The following PTPRR variants were observed in gnomAD, a reference collection of about 807,000 sequenced individuals.
PTPRR encodes the protein receptor-type tyrosine-protein phosphatase R.
Under a neutral mutation model 77.2 loss-of-function variants are expected in PTPRR, and 38 were observed. The observed-to-expected ratio is 0.49, with a 90% CI of 0.38 to 0.65. The LOEUF (loss-of-function observed/expected upper bound fraction) is 0.65. Among genes scored for constraint, PTPRR ranks in the 30% least tolerant of loss-of-function variants. The pLI, the probability that PTPRR is intolerant of heterozygous loss-of-function variation, is 0.00. For missense variants in PTPRR, 744 were observed against 799.2 expected (o/e 0.93, Z 0.83); for synonymous variants, 299 against 283.1 (o/e 1.06, Z -0.57).
intron 2 of PTPRR, among the ~76,000 whole-genome samples, chr12:70,876,931 T>A (rs1192303558): frequency 6.6e-6 from 1 of 152,242 alleles, no homozygotes; most frequent in East Asian, 1.9e-4. Context: ...ATGGAAAAGA[T>A]GTTTGGGCTC....
At position 70,713,148 on chromosome 12, in the gene PTPRR, G is replaced by A. The variant is rs73329593; in HGVS notation, c.1008-11825C>T. Among the ~76,000 whole-genome samples, 1,022 of 152,160 alleles carry A rather than the reference G, an allele frequency of 6.7e-3. 13 individuals carry two copies. Among genetic ancestry groups the A allele is most frequent in the African/African-American group, 0.024 (977 of 41,526 alleles). Reference sequence around the variant, plus strand: ...TATAAATGGAATCATACAACGTATGGCCTCTTGTGTCTTGTCTGACTTCTT... The same window carrying A: ...TATAAATGGAATCATACAACGTATGACCTCTTGTGTCTTGTCTGACTTCTT... On this transcript the variant is annotated intron_variant, in intron 6 of 13. Coordinates refer to ENST00000283228, the MANE Select transcript of PTPRR (RefSeq NM_002849.4).
intron 13 of PTPRR, among the ~76,000 whole-genome samples, chr12:70,647,151 G>A (rs535595909): frequency 2.2e-4 from 34 of 151,646 alleles, no homozygotes; most frequent in African/African-American, 6.0e-4. Context: ...AGAAGGATTT[G>A]ACAGATAATT....
chr12:70,907,170 C>T (rs1893635106), intron 1 of PTPRR, among the ~76,000 whole-genome samples: 2 of 152,140 alleles, frequency 1.3e-5, no homozygotes, highest in African/African-American at 2.4e-5. Flanking sequence ...CATATTTGAA[C>T]AGTGATGTGT....
At chr12:70,752,097 T>C (rs1423432312) in intron 5 of PTPRR, among the ~76,000 whole-genome samples, 6 of 152,208 alleles carry the variant, frequency 3.9e-5, no homozygotes, top group Non-Finnish European at 8.8e-5. Flanking sequence ...TGTTCACCAT[T>C]TGATTTTTTA....
At chr12:70,707,645 A>G (rs1206764210) in intron 6 of PTPRR, among the ~76,000 whole-genome samples, 1 of 152,104 alleles carries the variant, frequency 6.6e-6, no homozygotes, top group Non-Finnish European at 1.5e-5. Flanking sequence ...TTTTCAGTCA[A>G]GAAGTCTTAA....
intron 8 of PTPRR, among the ~76,000 whole-genome samples, chr12:70,685,473 CAAAAAAAA>C (rs61205959): frequency 2.1e-4 from 13 of 60,980 alleles, no homozygotes; most frequent in Middle Eastern, 0.014. Context: ...GACTTCATCT[CAAAAAAAA>C]AAAAAAAAAA....
intron 2 of PTPRR, among the ~76,000 whole-genome samples, chr12:70,787,793 C>T (rs1891353367): frequency 6.6e-6 from 1 of 152,108 alleles, no homozygotes; most frequent in Non-Finnish European, 1.5e-5. Context: ...CTGTTTTCTG[C>T]AATATTGAAT....
intron 10 of PTPRR, among the ~76,000 whole-genome samples, chr12:70,680,070 T>C (rs1344851134): frequency 6.6e-6 from 1 of 152,204 alleles, no homozygotes; most frequent in Non-Finnish European, 1.5e-5. Flanking sequence ...TTTTTCTTTG[T>C]GGTTATTCTG....
chr12:70,919,450 G>C (rs911974726), intron 1 of PTPRR, among the ~76,000 whole-genome samples: 4 of 152,250 alleles, frequency 2.6e-5, no homozygotes, highest in Middle Eastern at 3.4e-3. Flanking sequence ...AAGTCTGTCT[G>C]CATTAAATAG....
chr12:70,718,349 G>A (rs1011865495), intron 6 of PTPRR, among the ~76,000 whole-genome samples: 3 of 151,528 alleles, frequency 2.0e-5, no homozygotes, highest in South Asian at 2.1e-4. Context: ...CACTGCAATC[G>A]CTGCCTCCTG....
rs3923768 is a variant in PTPRR at position 70,890,246 on chromosome 12, G to A, written c.357+2433C>T. ...AATAACAGCTTCTTAATTGAGTTCC[G>A]GAACATAGTTAGCATTATTTGGGAT... On this transcript the variant is annotated intron_variant, in intron 2 of 13. Coordinates refer to ENST00000283228, the MANE Select transcript of PTPRR (RefSeq NM_002849.4). 3.5e-4 allele frequency among the ~76,000 whole-genome samples: 53 copies of A among 152,084 alleles called. No individual in the cohort carries two copies. The East Asian group carries it at 7.3e-3, about 21-fold the overall frequency.
At chr12:70,685,066 G>A (rs571288215) in intron 8 of PTPRR, among the ~76,000 whole-genome samples, 23 of 151,974 alleles carry the variant, frequency 1.5e-4, no homozygotes, top group Admixed American at 4.6e-4. Flanking sequence ...TCATTTTTGC[G>A]CCCACTCTTA....
At chr12:70,642,959 C>T (rs1566037763) in intron 13 of PTPRR, among the ~76,000 whole-genome samples, 1 of 152,062 alleles carries the variant, frequency 6.6e-6, no homozygotes, top group Non-Finnish European at 1.5e-5. Flanking sequence ...TCACTTGAGC[C>T]CAGGAGCTCG....
chr12:70,713,023 T>G lies in PTPRR; in HGVS notation c.1008-11700A>C, dbSNP rs552072118. Reference sequence around the variant, plus strand: ...TCACTCCCCCCAAAAAAATTCTCCCTGCTCACTGGCAGTTACTCTGTATTT... The same window carrying G: ...TCACTCCCCCCAAAAAAATTCTCCCGGCTCACTGGCAGTTACTCTGTATTT... On this transcript the variant is annotated intron_variant, in intron 6 of 13. Coordinates refer to ENST00000283228, the MANE Select transcript of PTPRR (RefSeq NM_002849.4). 1.3e-3 allele frequency among the ~76,000 whole-genome samples: 198 copies of G among 152,276 alleles called. 1 individual carries two copies. The highest frequency in any genetic ancestry group is 4.5e-3 in the African/African-American group (186 of 41,566).
intron 2 of PTPRR, among the ~76,000 whole-genome samples, chr12:70,793,262 A>G (rs1606456): frequency 0.85 from 129,731 of 152,190 alleles, 55,638 homozygotes; most frequent in East Asian, 0.94. Context: ...CATGCTGGGA[A>G]TCAGAATCAT....
chr12:70,754,887 A>T (rs979901994), intron 4 of PTPRR: 47 of 597,756 alleles, frequency 7.9e-5, no homozygotes, highest in Non-Finnish European at 1.0e-5. Flanking sequence ...ATATTGTTAG[A>T]ATATCACATA....
intron 2 of PTPRR, among the ~76,000 whole-genome samples, chr12:70,892,267 A>C (rs983266070): frequency 2.0e-5 from 3 of 152,080 alleles, no homozygotes; most frequent in Non-Finnish European, 4.4e-5. Flanking sequence ...AATTTGAGTC[A>C]AGTGACCAGA....
At chr12:70,755,453 T>C (rs1890538388) in intron 4 of PTPRR, among the ~76,000 whole-genome samples, 1 of 152,124 alleles carries the variant, frequency 6.6e-6, no homozygotes, top group African/African-American at 2.4e-5. Context: ...TTGAAAAATA[T>C]TTTATGAGAA....
chr12:70,741,861 A>G (rs528917341), intron 6 of PTPRR, among the ~76,000 whole-genome samples: 1 of 152,152 alleles, frequency 6.6e-6, no homozygotes, highest in East Asian at 1.9e-4. Flanking sequence ...TAGAGCCATG[A>G]GAAATGGCTG....
Sources: gnomAD v4.1 joint callset for allele counts (sites outside exome capture counted in the v4.1 genomes callset) on GRCh38, gnomAD v4.1.1 for gene constraint, MANE v1.5 for transcripts, NCBI Gene and HGNC (gene_info 2026-07-23, HGNC 2026-07-21) for gene names.